Variants in CMTM4 observed in about 807,000 individuals in gnomAD.
CMTM4 encodes CKLF like MARVEL transmembrane domain containing 4.
Under a neutral mutation model 19.0 loss-of-function variants are expected in CMTM4, and 8 were observed. That is an observed-to-expected ratio of 0.42 (90% CI 0.25 to 0.76). The LOEUF (loss-of-function observed/expected upper bound fraction) is 0.76. Among genes scored for constraint, CMTM4 ranks in the 30% least tolerant of loss-of-function variants. The pLI, the probability that CMTM4 is intolerant of heterozygous loss-of-function variation, is 0.27. For synonymous variants in CMTM4, 106 were observed against 121.1 expected, an observed-to-expected ratio of 0.88 and a Z score of 0.82; for missense variants, 228 against 290.2, an observed-to-expected ratio of 0.79 and a Z score of 1.56.
intron 1 of CMTM4, among the ~76,000 whole-genome samples, chr16:66,687,906 C>T (rs2017065864): frequency 6.6e-6 from 1 of 151,980 alleles, no homozygotes; most frequent in South Asian, 2.1e-4. Context: ...CCAGGATGGT[C>T]TTGATCTCCT....
chr16:66,690,359 G>A (rs1452530231), intron 1 of CMTM4, among the ~76,000 whole-genome samples: 1 of 152,232 alleles, frequency 6.6e-6, no homozygotes, highest in East Asian at 1.9e-4. Flanking sequence ...GAACCCAGCT[G>A]AACCTCAGTT....
In CMTM4 at chr16:66,680,947, C is replaced by T. The variant is rs1428768299; in HGVS notation, c.186+15393G>A. On this transcript the variant is annotated intron_variant, in intron 1 of 3. Coordinates refer to ENST00000394106, the MANE Select transcript of CMTM4 (RefSeq NM_181521.3). Reference sequence around the variant, plus strand: ...CCAGGTCCTGCTGCAATAATCTCACCCTTCTCAAAGCCATTGCACACACCT... The same window carrying T: ...CCAGGTCCTGCTGCAATAATCTCACTCTTCTCAAAGCCATTGCACACACCT... 6.6e-5 allele frequency among the ~76,000 whole-genome samples: 10 copies of T among 152,236 alleles called. No individual in the cohort carries two copies. The South Asian group carries it at 2.1e-3, about 32-fold the overall frequency.
chr16:66,626,148 AG>A (rs2015733394), intron 2 of CMTM4, among the ~76,000 whole-genome samples: 1 of 152,244 alleles, frequency 6.6e-6, no homozygotes, highest in South Asian at 2.1e-4. Context: ...AAAAAGAAAA[AG>A]GGAGGCCAGG....
chr16:66,665,168 G>A (rs958726826), intron 1 of CMTM4, among the ~76,000 whole-genome samples: 4 of 145,394 alleles, frequency 2.8e-5, no homozygotes, highest in Admixed American at 7.2e-5. Context: ...GGCTGGTCTC[G>A]AACTCCTGAC....
chr16:66,633,116 TAA>T (rs1555499104), intron 2 of CMTM4, among the ~76,000 whole-genome samples: 28 of 57,046 alleles, frequency 4.9e-4, no homozygotes, highest in South Asian at 2.6e-3. Context: ...TATATATATA[TAA>T]ATATATATAT....
At chr16:66,613,320 G>A, downstream of CMTM4, 1 of 587,988 alleles carries the variant, frequency 1.7e-6, no homozygotes, top group Non-Finnish European at 3.0e-6. Flanking sequence ...AGAGCTCATA[G>A]ACTGACTGGT....
rs1335946641 is a variant in CMTM4 at position 66,617,338 on chromosome 16, A to G, written c.*4720T>C. The G allele has an allele frequency of 6.2e-7, 1 of 1,613,882 alleles. No individual in the cohort carries two copies. Among genetic ancestry groups the G allele is most frequent in the East Asian group, 2.2e-5 (1 of 44,888 alleles). On this transcript the variant is annotated 3_prime_UTR_variant, in exon 4 of 4. Transcript: ENST00000394106. ...TGTGGGTGATTTTTTCCTTACTGTT[A>G]CGTTTGTGGAGTAGGAAAAACTAGA...
At chr16:66,669,230 T>C (rs2016658174) in intron 1 of CMTM4, among the ~76,000 whole-genome samples, 1 of 152,158 alleles carries the variant, frequency 6.6e-6, no homozygotes, top group Admixed American at 6.6e-5. Context: ...GTCTTAAAAG[T>C]ACATACTTAT....
At chr16:66,677,090 T>C (rs1232954068) in intron 1 of CMTM4, among the ~76,000 whole-genome samples, 1 of 151,904 alleles carries the variant, frequency 6.6e-6, no homozygotes, top group South Asian at 2.1e-4. Flanking sequence ...AACACAAAAT[T>C]AGCCAGGCGT....
intron 1 of CMTM4, among the ~76,000 whole-genome samples, chr16:66,647,282 C>T (rs1266312384): frequency 6.7e-6 from 1 of 149,686 alleles, no homozygotes; most frequent in Non-Finnish European, 1.5e-5. Flanking sequence ...CGAGATCATG[C>T]CACTGCACTC....
At chr16:66,631,146 C>T (rs565962961) in intron 2 of CMTM4, among the ~76,000 whole-genome samples, 10 of 151,872 alleles carry the variant, frequency 6.6e-5, no homozygotes, top group African/African-American at 2.4e-4. Flanking sequence ...GCCCGGCAGC[C>T]ACCCCGTCCG....
chr16:66,670,689 A>G (rs988762527), intron 1 of CMTM4, among the ~76,000 whole-genome samples: 10 of 152,056 alleles, frequency 6.6e-5, no homozygotes, highest in Non-Finnish European at 1.3e-4. Flanking sequence ...AGTCCCAGCT[A>G]TTCAGGAGGC....
intron 1 of CMTM4, among the ~76,000 whole-genome samples, chr16:66,678,188 A>G (rs2016842607): frequency 6.6e-6 from 1 of 152,226 alleles, no homozygotes; most frequent in Admixed American, 6.5e-5. Flanking sequence ...AAAACAAAAG[A>G]AATGAAAAGC....
chr16:66,638,764 C>G (rs1701598089), intron 1 of CMTM4, among the ~76,000 whole-genome samples: 1 of 152,064 alleles, frequency 6.6e-6, no homozygotes, highest in South Asian at 2.1e-4. Context: ...GAGGCTGAGG[C>G]AGGAGAATCA....
chr16:66,670,284 CA>C (rs897810344), intron 1 of CMTM4, among the ~76,000 whole-genome samples: 378 of 129,576 alleles, frequency 2.9e-3, no homozygotes, highest in African/African-American at 5.2e-3. Context: ...CCGTCTCTAC[CA>C]AAAAAAAAAA....
intron 1 of CMTM4, among the ~76,000 whole-genome samples, chr16:66,687,138 C>CT (rs35098269): frequency 0.039 from 5,071 of 131,248 alleles, 180 homozygotes; most frequent in East Asian, 0.16. Flanking sequence ...GTGCAGAATG[C>CT]TTTTTTTTTT....
chr16:66,657,927 T>C (rs2016427577), intron 1 of CMTM4, among the ~76,000 whole-genome samples: 1 of 152,140 alleles, frequency 6.6e-6, no homozygotes, highest in Admixed American at 6.6e-5. Flanking sequence ...AATGATTGAA[T>C]TAGAAAATCA....
chr16:66,641,156 T>G (rs2016092017), intron 1 of CMTM4, among the ~76,000 whole-genome samples: 1 of 152,140 alleles, frequency 6.6e-6, no homozygotes, highest in African/African-American at 2.4e-5. Context: ...GTGACCCTCC[T>G]ACCTCAAACT....
chr16:66,605,023 G>A, the CMTM4 span: 3 of 1,317,354 alleles, frequency 2.3e-6, no homozygotes, highest in South Asian at 3.5e-5. The surrounding 1 kb of genome is among the most constrained non-coding windows in gnomAD (Gnocchi z 4.6). Context: ...ACGTCGGGGC[G>A]CGGGTGGGGT....
Sources: gnomAD v4.1 joint callset for allele counts (sites outside exome capture counted in the v4.1 genomes callset) on GRCh38, gnomAD v4.1.1 for gene constraint, Gnocchi (gnomAD v3.1) non-coding constraint, MANE v1.5 for transcripts, NCBI Gene and HGNC (gene_info 2026-07-23, HGNC 2026-07-21) for gene names.